TCF25: variants seen among roughly 807,000 people sequenced by gnomAD.
TCF25 encodes the protein TCF25 ribosome quality control complex subunit.
TCF25 carries 41 observed loss-of-function variants against 83.1 expected under a neutral mutation model. The observed-to-expected ratio is 0.49, with a 90% CI of 0.38 to 0.64. The LOEUF is 0.64. Ranked by LOEUF, TCF25 falls within the 30% of genes least tolerant of loss-of-function variation. TCF25 has a pLI of 0.00. For missense variants in TCF25, 979 were observed against 914.5 expected (o/e 1.07, Z -0.91); for synonymous variants, 458 against 365.0 (o/e 1.25, Z -2.90).
At chr16:89,910,110 C>G (rs1294855664) in intron 16 of TCF25, 1 of 158,822 alleles carries the variant, frequency 6.3e-6, no homozygotes, top group Admixed American at 6.2e-5. Flanking sequence ...CTGTGGAGCC[C>G]AGGCTTTCGC....
In TCF25 at chr16:89,873,811, C is replaced by T. The variant is rs992967709; in HGVS notation, c.144C>T (p.Pro48=). The change falls in exon 1 of 18, where the codon CCC becomes CCT. Residue 48 remains proline, a synonymous_variant. Transcript: ENST00000263346. The part of the protein sequence containing the change: ...GPKRELGVRR[P]GGAGKEGVRV... ...AGCGGGAGCTTGGTGTCCGGCGTCC[C>T]GGGGGCGCAGGGAAGGAGGGCGTCC... 4 of 1,537,266 alleles carry T rather than the reference C, an allele frequency of 2.6e-6. No individual in the cohort carries two copies. The highest frequency in any genetic ancestry group is 2.9e-5 in the African/African-American group (2 of 69,112).
rs2043838507 is a variant in TCF25, at chr16:89,896,230, G to T, written c.1022+147G>T. On this transcript the variant is annotated intron_variant, in intron 9 of 17. Transcript: ENST00000263346. ...AGAGTGACCCACCTTCCTCTCTCTG[G>T]GCTTAAGGATAGAGGGATGGGATTG... is the stretch of plus-strand genomic sequence containing the variant. The T allele has an allele frequency of 3.2e-5, 21 of 659,418 alleles. No homozygotes were observed. In the South Asian group the frequency reaches 3.5e-4, roughly 11 times the overall value. 40.8% of individuals were successfully genotyped at this position (659,418 alleles called of 1,614,324 possible).
At chr16:89,906,407 A>C in intron 15 of TCF25, 123 bp downstream of exon 15, 1 of 905,754 alleles carries the variant, frequency 1.1e-6, no homozygotes, top group Non-Finnish European at 1.7e-6. Context: ...CAGCCCCGCC[A>C]CGGCAGGGGC....
chr16:89,909,037 C>T (rs1455275219), intron 16 of TCF25: 1 of 1,289,534 alleles, frequency 7.8e-7, no homozygotes, highest in Admixed American at 2.3e-5. Flanking sequence ...CGTTCTTTCC[C>T]ATCTCCACCG....
intron 3 of TCF25, 150 bp from the exon 4 acceptor site, chr16:89,885,698 T>A: frequency 4.5e-6 from 3 of 663,212 alleles, no homozygotes; most frequent in Non-Finnish European, 5.3e-6. Flanking sequence ...TTTCTAAATG[T>A]GTGGATGGTA....
chr16:89,901,493 C>T (rs1009287606), intron 12 of TCF25, among the ~76,000 whole-genome samples: 14 of 130,082 alleles, frequency 1.1e-4, no homozygotes, highest in Non-Finnish European at 1.7e-4. Flanking sequence ...CGCCTGTAAT[C>T]CTAGCACTTT....
intron 9 of TCF25, among the ~76,000 whole-genome samples, chr16:89,898,053 G>A (rs1005488832): frequency 1.3e-5 from 2 of 151,672 alleles, no homozygotes; most frequent in African/African-American, 2.4e-5. Flanking sequence ...GCAATGAGCC[G>A]AGCCGAGATA....
rs749729484 is a variant in TCF25, at chr16:89,888,588, C to CA, written c.614+885dup. Among the ~76,000 whole-genome samples the CA allele has an allele frequency of 2.8e-3, 283 of 100,852 alleles. 7 individuals carry two copies. The South Asian group carries it at 0.043, about 15-fold the overall frequency. 66.2% of individuals were successfully genotyped at this position (100,852 alleles called of 152,430 possible). ...GGGCAACGAGAGCGAAACTCCATCT[C>CA]AAAAAAAAAAAAAAGATTCTAGTTT... On this transcript the variant is annotated intron_variant, in intron 5 of 17. Transcript: ENST00000263346.
intron 2 of TCF25, among the ~76,000 whole-genome samples, chr16:89,884,262 G>C (rs987349186): frequency 6.6e-6 from 1 of 152,132 alleles, no homozygotes; most frequent in African/African-American, 2.4e-5. Context: ...GCACAGCAAG[G>C]CCCCCGTCTT....
intron 1 of TCF25, among the ~76,000 whole-genome samples, chr16:89,882,878 G>A (rs1248757791): frequency 4.6e-5 from 7 of 152,200 alleles, no homozygotes; most frequent in African/African-American, 1.2e-4. Context: ...CGAGCACCTC[G>A]CCTGGCCTAT....
intron 15 of TCF25, 61 bp downstream of exon 15, chr16:89,906,345 G>A (rs781721484): frequency 1.3e-6 from 2 of 1,545,036 alleles, no homozygotes; most frequent in Non-Finnish European, 1.8e-6. Flanking sequence ...CGTCCCTTCT[G>A]CTCCGGGCGG....
Position 89,900,632 on chromosome 16 carries a change from T to G in TCF25, c.1222-3T>G. On this transcript the variant is annotated splice_region_variant and splice_polypyrimidine_tract_variant and intron_variant, in intron 11 of 17. Transcript: ENST00000263346. Reference sequence around the variant, plus strand: ...CCACGCTCTGTTTCTTCGTCCCTCGTAGGCTCATCGGAACCTGTCCCAGCT... The same window carrying G: ...CCACGCTCTGTTTCTTCGTCCCTCGGAGGCTCATCGGAACCTGTCCCAGCT... 1 of 1,586,278 alleles carries G rather than the reference T, an allele frequency of 6.3e-7. No individual in the cohort carries two copies. Among genetic ancestry groups the G allele is most frequent in the Non-Finnish European group, 8.6e-7 (1 of 1,156,922 alleles).
chr16:89,895,955 C>T lies in TCF25; in HGVS notation c.929-35C>T, dbSNP rs200039318. On this transcript the variant is annotated intron_variant, in intron 8 of 17. Transcript: ENST00000263346. ...AGGGGCCGTGGTTGCTGTGTGTGGC[C>T]ATGACACCCTCCCCTGGCGTCCCTG... is the stretch of plus-strand genomic sequence containing the variant. 4 of 1,595,968 alleles carry T rather than the reference C, an allele frequency of 2.5e-6. No individual in the cohort carries two copies. In the African/African-American group the frequency reaches 4.0e-5, roughly 16 times the overall value.
Position 89,905,096 on chromosome 16 carries a change from G to A in TCF25, c.1628G>A (p.Arg543Gln). The change falls in exon 14 of 18, where the codon CGG becomes CAG. Residue 543 changes from arginine (R) to glutamine (Q), a missense_variant and splice_region_variant. Physicochemically the swap from Arg to Gln is conservative, Grantham distance 43 (BLOSUM62 1). Coordinates refer to ENST00000263346, the MANE Select transcript of TCF25 (RefSeq NM_014972.3). Reference sequence around the variant, plus strand: ...CCAGCCGTGGAAGCCTGTGAGAACCGGTGAGCTAGGGGTTGACACAAGCCC... The same window carrying A: ...CCAGCCGTGGAAGCCTGTGAGAACCAGTGAGCTAGGGGTTGACACAAGCCC... ...GDPAVEACEN[R>Q]RKVLYQRAPR... The A allele has an allele frequency of 6.3e-7, 1 of 1,589,026 alleles. No homozygotes were observed. Among genetic ancestry groups the A allele is most frequent in the Non-Finnish European group, 8.6e-7 (1 of 1,168,034 alleles).
intron 7 of TCF25, 106 bp from the exon 8 acceptor site, chr16:89,894,932 A>T (rs2043731803): frequency 1.0e-6 from 1 of 954,852 alleles, no homozygotes; most frequent in African/African-American, 1.6e-5. Flanking sequence ...GGCGTGAGCC[A>T]CTGCGCCCAG....
In TCF25 at chr16:89,911,163, G is replaced by C. The variant is rs772681635; in HGVS notation, c.1956G>C (p.Met652Ile). 2.4e-5 allele frequency: 39 copies of C among 1,612,234 alleles called. No homozygotes were observed. The highest frequency in any genetic ancestry group is 3.2e-5 in the Non-Finnish European group (38 of 1,179,984). The change falls in exon 18 of 18, where the codon ATG becomes ATC. Residue 652 changes from methionine to isoleucine, a missense_variant. Coordinates refer to ENST00000263346, the MANE Select transcript of TCF25 (RefSeq NM_014972.3). ...GGCTGATGCTGGCTGTGCGCGACAT[G>C]ATGGCCAACTTCCACCTCAACGACC... ...LNRLMLAVRD[M>I]MANFHLNDLE...
At chr16:89,881,985 C>T (rs1369902163) in intron 1 of TCF25, among the ~76,000 whole-genome samples, 1 of 151,876 alleles carries the variant, frequency 6.6e-6, no homozygotes, top group Non-Finnish European at 1.5e-5. Flanking sequence ...GAATTGCTGA[C>T]CTCGTGATCC....
intron 16 of TCF25, among the ~76,000 whole-genome samples, chr16:89,907,757 C>T (rs574782190): frequency 9.3e-6 from 1 of 107,066 alleles, no homozygotes; most frequent in Non-Finnish European, 1.9e-5. Context: ...CTTCCAGCTC[C>T]CGCCTCCCTC....
rs772018675 is a variant in TCF25 at position 89,895,064 on chromosome 16, C to T, written c.855C>T (p.His285=). The T allele has an allele frequency of 8.1e-6, 13 of 1,613,394 alleles. No homozygotes were observed. Among genetic ancestry groups the T allele is most frequent in the East Asian group, 2.2e-5 (1 of 44,872 alleles). Reference sequence around the variant, plus strand: ...TTCTGCTCCAGACGAGCCCTTACCACGTTGACTCACTCCTGCAGCTCAGCG... The same window carrying T: ...TTCTGCTCCAGACGAGCCCTTACCATGTTGACTCACTCCTGCAGCTCAGCG... ...IVVLLQTSPY[H]VDSLLQLSDA... is the part of the protein sequence containing the mutation. Residue 285 remains histidine, a synonymous_variant, in exon 8 of 18, where the codon CAC becomes CAT. Coordinates refer to ENST00000263346, the MANE Select transcript of TCF25 (RefSeq NM_014972.3).
Sources: gnomAD v4.1 joint callset for allele counts (sites outside exome capture counted in the v4.1 genomes callset) on GRCh38, gnomAD v4.1.1 for gene constraint, MANE v1.5 for transcripts, NCBI Gene and HGNC (gene_info 2026-07-23, HGNC 2026-07-21) for gene names.